DEFB135: variants seen among roughly 807,000 people sequenced by gnomAD.
DEFB135 encodes defensin beta 135, also known as beta-defensin 135.
In DEFB135, 14 loss-of-function variants were observed where a neutral mutation model predicts 8.9. The observed-to-expected ratio is 1.58, with a 90% CI of 1.04 to 2.47. The LOEUF is 2.47. Among genes scored for constraint, DEFB135 ranks in the 30% most tolerant of loss-of-function variants. The pLI is 0.00. For synonymous variants in DEFB135, 51 were observed against 34.5 expected (o/e 1.48, Z -1.67); for missense variants, 135 against 94.2 (o/e 1.43, Z -1.79).
intron 1 of DEFB135, among the ~76,000 whole-genome samples, chr8:11,982,638 G>C (rs1799758788): frequency 1.3e-5 from 2 of 152,214 alleles, no homozygotes; most frequent in South Asian, 4.1e-4. Context: ...AGTTTGAGGG[G>C]AAGGCTGGAC....
At chr8:11,982,465 G>A in intron 1 of DEFB135, 81 bp downstream of exon 1, 1 of 1,524,844 alleles carries the variant, frequency 6.6e-7, no homozygotes, top group Non-Finnish European at 9.1e-7. Context: ...TGAGAAAAAG[G>A]CAGGACTTGG....
At position 11,984,449 on chromosome 8, in the gene DEFB135, A is replaced by G. The variant is rs2150552682; in HGVS notation, c.93A>G (p.Gln31=). 2 of 1,570,162 alleles carry G rather than the reference A, an allele frequency of 1.3e-6. No homozygotes were observed. Among genetic ancestry groups the G allele is most frequent in the East Asian group, 2.3e-5 (1 of 43,888 alleles). Residue 31 remains glutamine, a synonymous_variant, in exon 2 of 2, where the codon CAA becomes CAG. Coordinates refer to ENST00000382208, the MANE Select transcript of DEFB135 (RefSeq NM_001033017.3). ...GAAGTGGACCCAATGTCTACATACA[A>G]AAAATCTTTGCTTCATGTTGGCGAC... The part of the protein sequence containing the change: ...PGRSGPNVYI[Q]KIFASCWRLQ...
chr8:11,982,317 T>C lies in DEFB135; in HGVS notation c.-4T>C, dbSNP rs1294646335. 6.2e-7 allele frequency: 1 copy of C among 1,614,040 alleles called. No homozygotes were observed. The highest frequency in any genetic ancestry group is 8.5e-7 in the Non-Finnish European group (1 of 1,180,034). ...GAGTCACAGCTGCTTCTTTGCTGAT[T>C]GGTATGGCCACAAGGAGCGTCCTCT... On this transcript the variant is annotated 5_prime_UTR_variant, in exon 1 of 2. Coordinates refer to ENST00000382208, the MANE Select transcript of DEFB135 (RefSeq NM_001033017.3).
intron 1 of DEFB135, among the ~76,000 whole-genome samples, chr8:11,983,593 C>T (rs1799785176): frequency 6.6e-6 from 1 of 151,952 alleles, no homozygotes; most frequent in South Asian, 2.1e-4. Context: ...CTTGACCATA[C>T]CACATTGATT....
intron 1 of DEFB135, 59 bp downstream of exon 1, chr8:11,982,443 G>T (rs535135999): frequency 2.5e-6 from 4 of 1,595,126 alleles, no homozygotes; most frequent in South Asian, 1.1e-5. Flanking sequence ...AAGGTGTGAG[G>T]TTCTACAAGA....
chr8:11,982,522 C>T, intron 1 of DEFB135, 138 bp downstream of exon 1: 1 of 865,928 alleles, frequency 1.2e-6, no homozygotes, highest in African/African-American at 1.7e-5. Flanking sequence ...GATGGACATG[C>T]TGGGCTGGTC....
chr8:11,984,142 T>C (rs543449857), intron 1 of DEFB135, among the ~76,000 whole-genome samples: 190 of 152,246 alleles, frequency 1.2e-3, no homozygotes, highest in African/African-American at 4.4e-3. Context: ...AAGCCAATAG[T>C]CTCAAGCTGA....
chr8:11,984,464 A>G lies in DEFB135; in HGVS notation c.108A>G (p.Ser36=). Residue 36 remains serine (S), a synonymous_variant, in exon 2 of 2, where the codon TCA becomes TCG. Transcript: ENST00000382208. ...TCTACATACAAAAAATCTTTGCTTC[A>G]TGTTGGCGACTGCAAGGTACTTGCC... ...PNVYIQKIFA[S]CWRLQGTCRP... is the part of the protein sequence containing the mutation. The G allele has an allele frequency of 6.4e-7, 1 of 1,571,944 alleles. No homozygotes were observed. Among genetic ancestry groups the G allele is most frequent in the Non-Finnish European group, 8.7e-7 (1 of 1,150,484 alleles).
At chr8:11,984,145 C>G (rs1250007819) in intron 1 of DEFB135, among the ~76,000 whole-genome samples, 1 of 152,152 alleles carries the variant, frequency 6.6e-6, no homozygotes, top group Admixed American at 6.5e-5. Context: ...CCAATAGTCT[C>G]AAGCTGAATA....
chr8:11,982,841 C>G (rs568842625), intron 1 of DEFB135, among the ~76,000 whole-genome samples: 2 of 152,300 alleles, frequency 1.3e-5, no homozygotes, highest in South Asian at 2.1e-4. Flanking sequence ...ACAGACACAG[C>G]TGGTTAAGAT....
chr8:11,983,518 T>C (rs1799783694), intron 1 of DEFB135, among the ~76,000 whole-genome samples: 1 of 152,210 alleles, frequency 6.6e-6, no homozygotes, highest in Non-Finnish European at 1.5e-5. Context: ...CTGGACTCCT[T>C]TGTCCCCAGA....
At position 11,982,354 on chromosome 8, in the gene DEFB135, G is replaced by T. The variant is rs751217843; in HGVS notation, c.34G>T (p.Val12Phe). Reference protein sequence around the residue: ...ATRSVLLALVVLNLLFYVPPG... With the variant: ...ATRSVLLALVFLNLLFYVPPG... ...AAGGAGCGTCCTCTTGGCCCTCGTG[G>T]TCCTTAACTTACTCTTCTATGTTCC... The change falls in exon 1 of 2, where the codon GTC becomes TTC. Residue 12 changes from valine to phenylalanine, a missense_variant. Coordinates refer to ENST00000382208, the MANE Select transcript of DEFB135 (RefSeq NM_001033017.3). 1.2e-6 allele frequency: 2 copies of T among 1,614,150 alleles called. No homozygotes were observed. Among genetic ancestry groups the T allele is most frequent in the East Asian group, 2.2e-5 (1 of 44,876 alleles).
intron 1 of DEFB135, among the ~76,000 whole-genome samples, chr8:11,984,114 G>A (rs1387370518): frequency 1.3e-5 from 2 of 152,102 alleles, no homozygotes; most frequent in Admixed American, 6.5e-5. Flanking sequence ...TGACTTCGAT[G>A]TCTGAATATT....
At chr8:11,982,905 G>A (rs1344717798) in intron 1 of DEFB135, among the ~76,000 whole-genome samples, 1 of 152,160 alleles carries the variant, frequency 6.6e-6, no homozygotes, top group African/African-American at 2.4e-5. Context: ...AGTTTGAGAG[G>A]TCAGAATTTA....
At chr8:11,982,742 G>T (rs923530193) in intron 1 of DEFB135, among the ~76,000 whole-genome samples, 5 of 152,168 alleles carry the variant, frequency 3.3e-5, no homozygotes, top group African/African-American at 1.2e-4. Context: ...TTCTTTGAGG[G>T]CTCTTAGAAC....
Position 11,982,374 on chromosome 8 carries a change from T to C in DEFB135, c.54T>C (p.Tyr18=), listed in dbSNP as rs369982497. The change falls in exon 1 of 2, where the codon TAT becomes TAC. Residue 18 remains tyrosine (Y), a synonymous_variant. Transcript: ENST00000382208. The stretch of plus-strand genomic sequence containing the variant: ...TCGTGGTCCTTAACTTACTCTTCTA[T>C]GTTCCACCAGGTAAAATGGAGTCCC... ...LALVVLNLLF[Y]VPPGRSGPNV... The C allele has an allele frequency of 6.2e-7, 1 of 1,614,108 alleles. No homozygotes were observed. Among genetic ancestry groups the C allele is most frequent in the Non-Finnish European group, 8.5e-7 (1 of 1,179,990 alleles).
Position 11,984,460 on chromosome 8 carries a change from C to G in DEFB135, c.104C>G (p.Ala35Gly). Residue 35 changes from alanine to glycine, a missense_variant, in exon 2 of 2, where the codon GCT becomes GGT. Ala to Gly is a moderately conservative substitution (Grantham distance 60). Coordinates refer to ENST00000382208, the MANE Select transcript of DEFB135 (RefSeq NM_001033017.3). ...GPNVYIQKIFASCWRLQGTCR... is the reference protein window; with the variant it reads ...GPNVYIQKIFGSCWRLQGTCR... ...AATGTCTACATACAAAAAATCTTTGCTTCATGTTGGCGACTGCAAGGTACT... is the reference window on the plus strand; with the variant it reads ...AATGTCTACATACAAAAAATCTTTGGTTCATGTTGGCGACTGCAAGGTACT... 1 of 1,570,024 alleles carries G rather than the reference C, an allele frequency of 6.4e-7. No individual in the cohort carries two copies. The highest frequency in any genetic ancestry group is 8.7e-7 in the Non-Finnish European group (1 of 1,149,182).
rs771855808 is a variant in DEFB135 at position 11,984,480 on chromosome 8, G to C, written c.124G>C (p.Gly42Arg). ...CTTTGCTTCATGTTGGCGACTGCAA[G>C]GTACTTGCCGGCCAAAATGTCTAAA... Reference protein sequence around the residue: ...KIFASCWRLQGTCRPKCLKNE... With the variant: ...KIFASCWRLQRTCRPKCLKNE... Residue 42 changes from glycine to arginine, a missense_variant, in exon 2 of 2, where the codon GGT becomes CGT. Transcript: ENST00000382208. The C allele has an allele frequency of 8.2e-6, 13 of 1,579,052 alleles. No individual in the cohort carries two copies. In the East Asian group the frequency reaches 2.7e-4, roughly 33 times the overall value.
intron 1 of DEFB135, 68 bp from the exon 2 acceptor site, chr8:11,984,353 A>C (rs1325622571): frequency 8.0e-7 from 1 of 1,257,782 alleles, no homozygotes; most frequent in Admixed American, 2.8e-5. Context: ...TCTGAGGTCT[A>C]ATTTTATCCA....
Sources: allele counts gnomAD v4.1 joint callset (sites outside exome capture counted in the v4.1 genomes callset), GRCh38; gene constraint gnomAD v4.1.1; transcripts MANE v1.5; gene names NCBI Gene and HGNC (gene_info 2026-07-23, HGNC 2026-07-21).